RPL19: variants seen among roughly 807,000 people sequenced by gnomAD.
RPL19 encodes ribosomal protein L19.
Under a neutral mutation model 25.1 loss-of-function variants are expected in RPL19, and 2 were observed. That is an observed-to-expected ratio of 0.08 (90% CI 0.03 to 0.25). The LOEUF (loss-of-function observed/expected upper bound fraction) is 0.25. Ranked by LOEUF, RPL19 falls within the 10% of genes least tolerant of loss-of-function variation. The probability of loss-of-function intolerance (pLI) is 1.00; values close to 1 mark genes in which losing one functional copy is unlikely to be tolerated. For synonymous variants in RPL19, 89 were observed against 91.2 expected (o/e 0.98, Z 0.14); for missense variants, 123 against 271.8 (o/e 0.45, Z 3.85).
intron 1 of RPL19, 167 bp downstream of exon 1, chr17:39,200,516 AG>A (rs1254620309): frequency 1.2e-5 from 14 of 1,171,376 alleles, no homozygotes; most frequent in Middle Eastern, 3.6e-4. Context: ...CTCCGGAGTG[AG>A]GGGGGGCGGG....
At chr17:39,201,368 G>A in intron 2 of RPL19, 49 bp downstream of exon 2, 1 of 1,102,590 alleles carries the variant, frequency 9.1e-7, no homozygotes, top group Non-Finnish European at 1.4e-6. Flanking sequence ...CTTTTCTCCT[G>A]CGTCAGATTA....
intron 1 of RPL19, 165 bp downstream of exon 1, chr17:39,200,514 T>TG: frequency 8.0e-7 from 1 of 1,257,770 alleles, no homozygotes. Context: ...GCCTCCGGAG[T>TG]GAGGGGGGGC....
chr17:39,203,147 C>T, intron 4 of RPL19, 38 bp downstream of exon 4: 2 of 1,230,692 alleles, frequency 1.6e-6, no homozygotes, highest in East Asian at 2.7e-5. Context: ...CCATTTGCTG[C>T]TTTGATGGCT....
At chr17:39,204,239 G>GTT (rs1180607020) in intron 5 of RPL19, 52 bp downstream of exon 5, 1 of 1,156,028 alleles carries the variant, frequency 8.7e-7, no homozygotes, top group African/African-American at 1.5e-5. Context: ...TTTGAGAGTT[G>GTT]TTCTTAGATA....
At chr17:39,201,102 A>G in intron 1 of RPL19, 111 bp from the exon 2 acceptor site, 1 of 736,896 alleles carries the variant, frequency 1.4e-6, no homozygotes, top group Non-Finnish European at 2.4e-6. Context: ...TTTAGGGAAG[A>G]GTCTTATTTC....
chr17:39,203,237 A>T (rs143799096), intron 4 of RPL19, 128 bp downstream of exon 4: 4 of 963,952 alleles, frequency 4.1e-6, no homozygotes, highest in Non-Finnish European at 6.0e-6. Flanking sequence ...GCTGGAGTGC[A>T]GTGGCGCGAT....
intron 1 of RPL19, chr17:39,200,869 G>A (rs2046281792): frequency 3.1e-6 from 2 of 640,086 alleles, no homozygotes; most frequent in South Asian, 1.1e-4. Flanking sequence ...AGAGTAACTT[G>A]CCTGCATTCC....
chr17:39,201,288 T>C lies in RPL19; in HGVS notation c.81T>C (p.Asn27=). 1 of 1,613,140 alleles carries C rather than the reference T, an allele frequency of 6.2e-7. No individual in the cohort carries two copies. Among genetic ancestry groups the C allele is most frequent in the Non-Finnish European group, 8.5e-7 (1 of 1,179,352 alleles). Residue 27 remains asparagine, a synonymous_variant, in exon 2 of 6, where the codon AAT becomes AAC. Transcript: ENST00000225430. ...AGAAGAAGGTCTGGTTAGACCCCAATGAGACCAATGAAATCGCCAATGCCA... is the reference window on the plus strand; with the variant it reads ...AGAAGAAGGTCTGGTTAGACCCCAACGAGACCAATGAAATCGCCAATGCCA... ...CGKKKVWLDP[N]ETNEIANANS...
rs1426751338 is a variant in RPL19, at chr17:39,200,291, T to C, written c.-54T>C. 4 of 1,491,880 alleles carry C rather than the reference T, an allele frequency of 2.7e-6. No individual in the cohort carries two copies. Among genetic ancestry groups the C allele is most frequent in the Middle Eastern group, 2.4e-4 (1 of 4,186 alleles). 92.4% of individuals were successfully genotyped at this position (1,491,880 alleles called of 1,614,324 possible). A position where few individuals can be genotyped will look rare whatever the true frequency, so the allele number is the denominator to read the frequency against. On this transcript the variant is annotated 5_prime_UTR_variant, in exon 1 of 6. An upstream start codon of the reference 5' UTR is lost. Transcript: ENST00000225430. The stretch of plus-strand genomic sequence containing the variant: ...TTTGGGCTCTCCCCTTCGCAGATAA[T>C]GGGAGGAGCCGGGCCCGAGCGAGCT...
At chr17:39,200,387 G>A in intron 1 of RPL19, 38 bp downstream of exon 1, 2 of 1,543,170 alleles carry the variant, frequency 1.3e-6, no homozygotes, top group Non-Finnish European at 1.7e-6. Flanking sequence ...GCTGACGCGT[G>A]TCGACAAGGG....
intron 3 of RPL19, 123 bp from the exon 4 acceptor site, chr17:39,202,866 A>T: frequency 9.4e-7 from 1 of 1,060,368 alleles, no homozygotes; most frequent in Non-Finnish European, 1.4e-6. Flanking sequence ...AAGTAATGCT[A>T]CTTAAAATGA....
intron 4 of RPL19, 106 bp downstream of exon 4, chr17:39,203,215 T>C (rs2046303031): frequency 8.1e-7 from 1 of 1,239,312 alleles, no homozygotes; most frequent in Admixed American, 2.1e-5. Flanking sequence ...GGAGTCTTGC[T>C]CTGTCACCCA....
intron 4 of RPL19, among the ~76,000 whole-genome samples, chr17:39,203,601 G>A (rs151224249): frequency 1.0e-3 from 154 of 151,588 alleles, no homozygotes; most frequent in African/African-American, 3.2e-3. Context: ...ATCTGCTTTC[G>A]AGGTTCAAGC....
chr17:39,202,686 C>T (rs1288367108), intron 3 of RPL19: 1 of 604,142 alleles, frequency 1.7e-6, no homozygotes, highest in Non-Finnish European at 2.9e-6. Flanking sequence ...TTTCTAGTTT[C>T]AGAATGATCG....
chr17:39,202,255 A>T, intron 2 of RPL19, 62 bp from the exon 3 acceptor site: 1 of 1,606,700 alleles, frequency 6.2e-7, no homozygotes, highest in South Asian at 1.1e-5. Flanking sequence ...GGCCTGGCCT[A>T]TTTGGACTCT....
intron 2 of RPL19, 142 bp from the exon 3 acceptor site, chr17:39,202,175 G>T (rs2046294833): frequency 8.7e-6 from 9 of 1,029,672 alleles, no homozygotes; most frequent in Non-Finnish European, 9.9e-6. Flanking sequence ...GGTTTTTGAA[G>T]GCAAGAAATA....
intron 3 of RPL19, 165 bp downstream of exon 3, chr17:39,202,604 G>A (rs2046298824): frequency 1.2e-6 from 1 of 823,892 alleles, no homozygotes; most frequent in East Asian, 2.7e-5. Flanking sequence ...GCTGGTATTG[G>A]AATTGAGAGT....
rs926370036 is a variant in RPL19 at position 39,200,301 on chromosome 17, C to T, written c.-44C>T. 2.0e-6 allele frequency: 3 copies of T among 1,518,790 alleles called. No homozygotes were observed. The highest frequency in any genetic ancestry group is 8.8e-7 in the Non-Finnish European group (1 of 1,132,054). The allele number at this position is 1,518,790 out of a possible 1,614,324, so 94.1% of individuals were successfully genotyped here. A position where few individuals can be genotyped will look rare whatever the true frequency, so the allele number is the denominator to read the frequency against. ...CCCCTTCGCAGATAATGGGAGGAGC[C>T]GGGCCCGAGCGAGCTCTTTCCTTTC... is the stretch of plus-strand genomic sequence containing the variant. On this transcript the variant is annotated 5_prime_UTR_variant, in exon 1 of 6. Coordinates refer to ENST00000225430, the MANE Select transcript of RPL19 (RefSeq NM_000981.4).
chr17:39,202,696 G>A (rs1424474833), intron 3 of RPL19: 6 of 597,420 alleles, frequency 1.0e-5, no homozygotes, highest in African/African-American at 1.9e-5. Flanking sequence ...CAGAATGATC[G>A]AAGGAAGCTC....
Sources: gnomAD v4.1 joint callset for allele counts (sites outside exome capture counted in the v4.1 genomes callset) on GRCh38, gnomAD v4.1.1 for gene constraint, MANE v1.5 for transcripts, NCBI Gene and HGNC (gene_info 2026-07-23, HGNC 2026-07-21) for gene names.